Variants in NFIA observed in about 807,000 individuals in gnomAD.
NFIA encodes nuclear factor 1 A-type.
In NFIA, 8 loss-of-function variants were observed where a neutral mutation model predicts 62.8. The observed-to-expected ratio is 0.13, with a 90% CI of 0.07 to 0.23. NFIA has a LOEUF of 0.23. Among genes scored for constraint, NFIA ranks in the 10% least tolerant of loss-of-function variants. The pLI is 1.00. For synonymous variants in NFIA, 235 were observed against 238.1 expected (o/e 0.99, Z 0.12); for missense variants, 410 against 642.1 (o/e 0.64, Z 3.91).
intron 2 of NFIA, among the ~76,000 whole-genome samples, chr1:61,151,970 G>A (rs566766914): frequency 5.9e-5 from 9 of 152,272 alleles, no homozygotes; most frequent in African/African-American, 1.9e-4. Context: ...CTGAATTCAT[G>A]GTGTTGCTCA....
chr1:61,366,234 G>T (rs1274379393), intron 6 of NFIA, among the ~76,000 whole-genome samples: 1 of 152,154 alleles, frequency 6.6e-6, no homozygotes, highest in Non-Finnish European at 1.5e-5. Flanking sequence ...ACCACTTTCA[G>T]ATTTGAGACC....
chr1:61,256,000 C>T (rs1387144473), intron 2 of NFIA, among the ~76,000 whole-genome samples: 1 of 152,092 alleles, frequency 6.6e-6, no homozygotes, highest in African/African-American at 2.4e-5. Context: ...CCTAGCATAT[C>T]GTTTAGTCCA....
intron 10 of NFIA, among the ~76,000 whole-genome samples, chr1:61,432,644 CATATATATACATATATATACAGAG>C (rs1444761387): frequency 1.0e-5 from 1 of 98,804 alleles, no homozygotes; most frequent in East Asian, 3.8e-4. Context: ...TATATATACA[CATATATATACATATATATACAGAG>C]ATATATATAC....
chr1:61,194,996 C>T (rs1428874902), intron 2 of NFIA, among the ~76,000 whole-genome samples: 1 of 152,174 alleles, frequency 6.6e-6, no homozygotes, highest in African/African-American at 2.4e-5. Context: ...AATTATGGCT[C>T]TTTTCTGTAG....
chr1:61,145,980 C>T (rs1226672238), intron 2 of NFIA, among the ~76,000 whole-genome samples: 2 of 152,192 alleles, frequency 1.3e-5, no homozygotes, highest in African/African-American at 2.4e-5. Context: ...TACAGTAACA[C>T]AGATCTATTC....
intron 2 of NFIA, among the ~76,000 whole-genome samples, chr1:61,194,468 C>T (rs550332095): frequency 6.6e-6 from 1 of 152,240 alleles, no homozygotes; most frequent in African/African-American, 2.4e-5. Flanking sequence ...GCAGTTGGAA[C>T]GTTTCTCCTT....
intron 2 of NFIA, among the ~76,000 whole-genome samples, chr1:61,108,917 C>A (rs1570169393): frequency 6.6e-6 from 1 of 151,630 alleles, no homozygotes; most frequent in East Asian, 1.9e-4. Context: ...ATGCAGTCAT[C>A]TAAAATTTCA....
In NFIA at chr1:61,404,097, C is replaced by T. The variant is rs1247005354; in HGVS notation, c.1076-7C>T. ...TTTCATAACCCTGATGTTTTCTTTT[C>T]CTGCAGCAAGTCCGCATGCAACACC... On this transcript the variant is annotated splice_polypyrimidine_tract_variant and splice_region_variant and intron_variant, in intron 7 of 10. Transcript: ENST00000403491. 6.2e-7 allele frequency: 1 copy of T among 1,613,556 alleles called. No homozygotes were observed. Among genetic ancestry groups the T allele is most frequent in the East Asian group, 2.2e-5 (1 of 44,866 alleles).
chr1:61,327,232 A>G (rs1437415185), intron 3 of NFIA, among the ~76,000 whole-genome samples: 2 of 151,290 alleles, frequency 1.3e-5, no homozygotes, highest in Non-Finnish European at 1.5e-5. Flanking sequence ...TTTACAGTAT[A>G]TATAAAAATA....
chr1:61,431,008 G>A (rs926621874), intron 10 of NFIA, among the ~76,000 whole-genome samples: 21 of 152,012 alleles, frequency 1.4e-4, no homozygotes, highest in Admixed American at 7.9e-4. Flanking sequence ...ACGTTGTCCC[G>A]TGACAGCTGA....
At chr1:61,167,240 CTGTA>C (rs1262009559) in intron 2 of NFIA, among the ~76,000 whole-genome samples, 1 of 152,164 alleles carries the variant, frequency 6.6e-6, no homozygotes, top group Middle Eastern at 3.2e-3. Context: ...ATATCTCAAT[CTGTA>C]TGGCAAGGAA....
chr1:61,431,740 A>T (rs1667103219), intron 10 of NFIA, among the ~76,000 whole-genome samples: 1 of 152,220 alleles, frequency 6.6e-6, no homozygotes, highest in African/African-American at 2.4e-5. Flanking sequence ...AATTATGGGC[A>T]TGACACCCGT....
chr1:61,236,877 A>G (rs766224760), intron 2 of NFIA, among the ~76,000 whole-genome samples: 2 of 152,144 alleles, frequency 1.3e-5, no homozygotes, highest in Non-Finnish European at 2.9e-5. Context: ...AAATTTTCTA[A>G]GAAGAAAACA....
chr1:61,227,669 G>A (rs1654417525), intron 2 of NFIA, among the ~76,000 whole-genome samples: 1 of 152,014 alleles, frequency 6.6e-6, no homozygotes, highest in Admixed American at 6.6e-5. Context: ...TTCTTTTATG[G>A]ACTTAAATGT....
At chr1:61,175,142 T>C (rs1407855920) in intron 2 of NFIA, among the ~76,000 whole-genome samples, 1 of 151,700 alleles carries the variant, frequency 6.6e-6, no homozygotes, top group African/African-American at 2.4e-5. Context: ...ATTATTATTA[T>C]TATTATTATT....
chr1:61,322,330 C>T (rs2806441), intron 3 of NFIA, among the ~76,000 whole-genome samples: 131,599 of 152,142 alleles, frequency 0.86, 56,994 homozygotes, highest in East Asian at 0.94. Context: ...CAAAAACATA[C>T]AGTAGTTAAT....
chr1:61,101,496 T>G (rs1646508374), intron 2 of NFIA, among the ~76,000 whole-genome samples: 1 of 152,078 alleles, frequency 6.6e-6, no homozygotes, highest in Non-Finnish European at 1.5e-5. Context: ...AGGGCATCCT[T>G]CTAGTAATGC....
rs1047853219 is a variant in NFIA, at chr1:61,460,746, G to A, written c.*5426G>A. ...AGATTTTTCTACACCGGTAGCCTTCGCTGTCTGTCAGTCAGGACCTTCTGG... is the reference window on the plus strand; with the variant it reads ...AGATTTTTCTACACCGGTAGCCTTCACTGTCTGTCAGTCAGGACCTTCTGG... On this transcript the variant is annotated 3_prime_UTR_variant, in exon 11 of 11. Coordinates refer to ENST00000403491, the MANE Select transcript of NFIA (RefSeq NM_001134673.4). 2.0e-5 allele frequency: 3 copies of A among 152,166 alleles called. No homozygotes were observed. Among genetic ancestry groups the A allele is most frequent in the Non-Finnish European group, 4.4e-5 (3 of 68,032 alleles). The allele number at this position is 152,166 out of a possible 1,614,324, so 9.4% of individuals were successfully genotyped here. A position where few individuals can be genotyped will look rare whatever the true frequency, so the allele number is the denominator to read the frequency against.
At chr1:61,379,402 CTTTTTTTTTTTT>C (rs60735193) in intron 6 of NFIA, among the ~76,000 whole-genome samples, 11 of 98,256 alleles carry the variant, frequency 1.1e-4, no homozygotes, top group East Asian at 3.4e-4. Flanking sequence ...TTTTCTTTTT[CTTTTTTTTTTTT>C]TTTTTTTTTT....
Sources: gnomAD v4.1 joint callset for allele counts (sites outside exome capture counted in the v4.1 genomes callset) on GRCh38, gnomAD v4.1.1 for gene constraint, MANE v1.5 for transcripts, NCBI Gene and HGNC (gene_info 2026-07-23, HGNC 2026-07-21) for gene names.